NDRG1: variants seen among roughly 807,000 people sequenced by gnomAD.
NDRG1 encodes N-myc downstream regulated 1.
A neutral mutation model predicts 56.9 loss-of-function variants in NDRG1; 32 were observed. The ratio of observed to expected loss-of-function variants is 0.56; its 90% CI spans 0.42 to 0.76. NDRG1 has a LOEUF of 0.76. Among genes scored for constraint, NDRG1 ranks in the 30% least tolerant of loss-of-function variants. The pLI is 0.00. For missense variants in NDRG1, 507 were observed against 545.7 expected, an observed-to-expected ratio of 0.93 and a Z score of 0.71; for synonymous variants, 211 against 204.1, an observed-to-expected ratio of 1.03 and a Z score of -0.29.
intron 10 of NDRG1, chr8:133,249,581 T>C (rs1254696505): frequency 1.3e-5 from 2 of 153,728 alleles, no homozygotes; most frequent in Non-Finnish European, 2.9e-5. Context: ...GTGTGGAGTC[T>C]GCGGGCTGTG....
At chr8:133,252,888 T>C (rs62514043) in intron 9 of NDRG1, among the ~76,000 whole-genome samples, 20,246 of 109,292 alleles carry the variant, frequency 0.19, 1,362 homozygotes, top group South Asian at 0.28. Context: ...CGTACACTCG[T>C]CAACTCCAGA....
intron 9 of NDRG1, 123 bp downstream of exon 9, chr8:133,254,416 C>T (rs1856252824): frequency 3.4e-6 from 3 of 880,998 alleles, no homozygotes; most frequent in African/African-American, 1.7e-5. Flanking sequence ...TCATGAGCAC[C>T]AGCTCGGTGG....
At chr8:133,252,030 C>A (rs117637940) in intron 9 of NDRG1, among the ~76,000 whole-genome samples, 2 of 152,340 alleles carry the variant, frequency 1.3e-5, no homozygotes, top group Non-Finnish European at 2.9e-5. Flanking sequence ...GGCGGAGGGG[C>A]GGCCCTGCCA....
At chr8:133,275,815 CCTCT>C (rs1857425762) in intron 3 of NDRG1, among the ~76,000 whole-genome samples, 1 of 152,182 alleles carries the variant, frequency 6.6e-6, no homozygotes, top group Non-Finnish European at 1.5e-5. Context: ...TGCTTCAGGT[CCTCT>C]CTCTCCGTAG....
intron 5 of NDRG1, 135 bp from the exon 6 acceptor site, chr8:133,259,365 T>C (rs1354547808): frequency 1.3e-6 from 1 of 795,530 alleles, no homozygotes; most frequent in Non-Finnish European, 2.2e-6. Context: ...CCAAGTCTAG[T>C]CCCTTCGCAT....
intron 1 of NDRG1, among the ~76,000 whole-genome samples, chr8:133,294,164 G>A (rs574777143): frequency 9.2e-5 from 14 of 152,188 alleles, no homozygotes; most frequent in Admixed American, 2.6e-4. Flanking sequence ...TTCTTCAGGC[G>A]CCCCAACATG....
chr8:133,238,978 C>T lies in NDRG1; in HGVS notation c.1085G>A (p.Ser362Asn), dbSNP rs749124058. The T allele has an allele frequency of 3.1e-6, 5 of 1,591,926 alleles. No homozygotes were observed. Among genetic ancestry groups the T allele is most frequent in the Non-Finnish European group, 4.3e-6 (5 of 1,170,968 alleles). The change falls in exon 16 of 16, where the codon AGC becomes AAC. Residue 362 changes from serine to asparagine, a missense_variant. Physicochemically the swap from Ser to Asn is conservative, Grantham distance 46. Transcript: ENST00000323851. ...SRSHTSEGTR[S>N]RSHTSEGAHL... ...GGCCCCCTCGCTGGTGTGCGAGCGG[C>T]TGCGGGTGCCCTCGCTGGTGTGGGA...
At chr8:133,246,357 T>A (rs1855678039) in intron 13 of NDRG1, among the ~76,000 whole-genome samples, 1 of 152,210 alleles carries the variant, frequency 6.6e-6, no homozygotes, top group Non-Finnish European at 1.5e-5. Context: ...TGCCAAGCCA[T>A]CCCTGGTCCC....
chr8:133,244,021 T>A (rs1564280323), intron 14 of NDRG1, among the ~76,000 whole-genome samples: 1 of 152,204 alleles, frequency 6.6e-6, no homozygotes, highest in Non-Finnish European at 1.5e-5. Flanking sequence ...CTCCTCCATG[T>A]CCCTCTGCTC....
At chr8:133,248,649 C>T (rs956468990) in intron 11 of NDRG1, 66 bp downstream of exon 11, 7 of 1,573,518 alleles carry the variant, frequency 4.4e-6, no homozygotes, top group Non-Finnish European at 6.1e-6. Context: ...AAGGCCCTGC[C>T]AGCAAGGCCA....
chr8:133,260,989 G>A (rs906019262), intron 5 of NDRG1, among the ~76,000 whole-genome samples: 9 of 152,198 alleles, frequency 5.9e-5, no homozygotes, highest in South Asian at 4.2e-4. Context: ...TACAGATCAC[G>A]AGCTGACAAG....
chr8:133,273,402 C>T (rs75415430), intron 3 of NDRG1, among the ~76,000 whole-genome samples: 7,740 of 152,284 alleles, frequency 0.051, 251 homozygotes, highest in African/African-American at 0.084. Context: ...TCAGCTTTCA[C>T]CATCTATCTC....
chr8:133,244,938 C>A, intron 13 of NDRG1, among the ~76,000 whole-genome samples: 1 of 152,158 alleles, frequency 6.6e-6, no homozygotes, highest in South Asian at 2.1e-4. Flanking sequence ...GGCTGTGAGA[C>A]TGTGCAGCCA....
In NDRG1 at chr8:133,248,771, G is replaced by A. The variant is rs771526300; in HGVS notation, c.699C>T (p.Ser233=). Residue 233 remains serine (S), a splice_region_variant and synonymous_variant, in exon 11 of 16, where the codon AGC becomes AGT. Transcript: ENST00000323851. ...GTCGCTCAATCTCCAGGTCGCGCCG[G>A]CTGCAGGAAACAAATGCATCATTAG... ...NLHLFINAYN[S]RRDLEIERPM... 1.2e-6 allele frequency: 2 copies of A among 1,614,138 alleles called. No individual in the cohort carries two copies. The highest frequency in any genetic ancestry group is 1.7e-6 in the Non-Finnish European group (2 of 1,180,042).
chr8:133,277,729 G>A (rs1034012443), intron 3 of NDRG1, among the ~76,000 whole-genome samples: 3 of 152,168 alleles, frequency 2.0e-5, no homozygotes, highest in Non-Finnish European at 4.4e-5. Flanking sequence ...AAATAATTCG[G>A]GAAAACACTC....
In NDRG1 at chr8:133,258,225, C is replaced by CCA. The variant is rs139790285; in HGVS notation, c.450+139_450+140dup. 0.015 allele frequency: 11,048 copies of CCA among 754,768 alleles called. 352 individuals carry two copies. The highest frequency in any genetic ancestry group is 0.12 in the African/African-American group (6,908 of 56,366). 46.8% of individuals were successfully genotyped at this position (754,768 alleles called of 1,614,324 possible). On this transcript the variant is annotated intron_variant, in intron 7 of 15. Coordinates refer to ENST00000323851, the MANE Select transcript of NDRG1 (RefSeq NM_006096.4). ...ATATATATATACGAGTACCCATGCA[C>CCA]CACACACACACACACACACAACTGT...
intron 1 of NDRG1, among the ~76,000 whole-genome samples, chr8:133,292,176 C>T (rs1199347958): frequency 1.3e-5 from 2 of 152,138 alleles, no homozygotes; most frequent in African/African-American, 4.8e-5. Context: ...GCATGAGCTG[C>T]GCTGGATGGT....
At chr8:133,259,306 G>T (rs1262220180) in intron 5 of NDRG1, 76 bp from the exon 6 acceptor site, 16 of 1,464,382 alleles carry the variant, frequency 1.1e-5, no homozygotes, top group Non-Finnish European at 1.5e-5. Flanking sequence ...ACGCTTGAAG[G>T]GTGGGGACCA....
At chr8:133,286,762 T>C (rs1035497346) in intron 1 of NDRG1, among the ~76,000 whole-genome samples, 3 of 152,232 alleles carry the variant, frequency 2.0e-5, no homozygotes, top group African/African-American at 7.2e-5. Context: ...CATTATTTAT[T>C]GTCCCCCAAA....
Sources: gnomAD v4.1 joint callset for allele counts (sites outside exome capture counted in the v4.1 genomes callset) on GRCh38, gnomAD v4.1.1 for gene constraint, MANE v1.5 for transcripts, NCBI Gene and HGNC (gene_info 2026-07-23, HGNC 2026-07-21) for gene names.